HAUS1: variants seen among roughly 807,000 people sequenced by gnomAD.
HAUS1 encodes the protein HAUS augmin-like complex subunit 1.
In HAUS1, 25 loss-of-function variants were observed where a neutral mutation model predicts 38.6. The observed-to-expected ratio is 0.65, with a 90% confidence interval of 0.47 to 0.91. The LOEUF is 0.91. Among genes scored for constraint, HAUS1 ranks in the 40% least tolerant of loss-of-function variants. HAUS1 has a pLI of 0.00. For synonymous variants in HAUS1, 109 were observed against 112.9 expected, an observed-to-expected ratio of 0.97 and a Z score of 0.22; for missense variants, 325 against 328.4, an observed-to-expected ratio of 0.99 and a Z score of 0.08.
rs1599803130 is a variant in HAUS1, at chr18:46,105,542, GTATA to G, written c.205+176_205+179del. 4.1e-4 allele frequency: 196 copies of G among 473,974 alleles called. 3 individuals are homozygous for G. The East Asian group carries it at 8.1e-3, about 20-fold the overall frequency. The allele number at this position is 473,974 out of a possible 1,614,324, so 29.4% of individuals were successfully genotyped here. On this transcript the variant is annotated intron_variant, in intron 2 of 8. Coordinates refer to ENST00000282058, the MANE Select transcript of HAUS1 (RefSeq NM_138443.4). ...TTTATTGTTTTATGTTTATATATAT[GTATA>G]TGTATGTGTGTGTGTGTGTGTGTGT...
chr18:46,105,657 C>T (rs1473657909), intron 2 of HAUS1, among the ~76,000 whole-genome samples: 1 of 151,802 alleles, frequency 6.6e-6, no homozygotes, highest in Non-Finnish European at 1.5e-5. Context: ...TCTCAGCTCA[C>T]TGCAACCTCC....
rs575945317 is a variant in HAUS1 at position 46,105,219 on chromosome 18, T to G, written c.56T>G (p.Phe19Cys). ...TQVAAWLKKI[F>C]GDHPIPQYEV... The stretch of plus-strand genomic sequence containing the variant: ...GTTGCTGCGTGGTTAAAAAAAATAT[T>G]TGGAGATCATCCTATTCCACAGTAT... The change falls in exon 2 of 9, where the codon TTT becomes TGT. Residue 19 changes from phenylalanine (F) to cysteine (C), a missense_variant. Transcript: ENST00000282058. 3.1e-6 allele frequency: 5 copies of G among 1,609,900 alleles called. No individual in the cohort carries two copies. Among genetic ancestry groups the G allele is most frequent in the South Asian group, 1.1e-5 (1 of 90,314 alleles).
At position 46,126,370 on chromosome 18, in the gene HAUS1, A is replaced by G. The variant is rs181313339; in HGVS notation, c.786+579A>G. Among the ~76,000 whole-genome samples, 7 of 152,336 alleles carry G rather than the reference A, an allele frequency of 4.6e-5. No individual in the cohort carries two copies. In the East Asian group the frequency reaches 9.6e-4, roughly 21 times the overall value. On this transcript the variant is annotated intron_variant, in intron 8 of 8. Transcript: ENST00000282058. ...AGGGGAATATATTGAGAGATATAGA[A>G]TATTCTAGGCAAAAAGAATTTGCAA...
chr18:46,115,808 G>A (rs1042925032), intron 2 of HAUS1, among the ~76,000 whole-genome samples: 3 of 152,084 alleles, frequency 2.0e-5, no homozygotes, highest in Non-Finnish European at 4.4e-5. Flanking sequence ...TGTTCTCAAA[G>A]GACACCATCA....
intron 6 of HAUS1, among the ~76,000 whole-genome samples, chr18:46,123,639 G>A (rs1478547779): frequency 6.6e-6 from 1 of 152,096 alleles, no homozygotes; most frequent in Admixed American, 6.6e-5. Context: ...TTTATTGAAG[G>A]ACCATGAGCT....
chr18:46,107,481 G>C (rs1254824536), intron 2 of HAUS1, among the ~76,000 whole-genome samples: 1 of 152,090 alleles, frequency 6.6e-6, no homozygotes. Flanking sequence ...TTTATGTCTA[G>C]GTATCTAGAA....
intron 6 of HAUS1, among the ~76,000 whole-genome samples, chr18:46,123,567 T>A (rs1339888383): frequency 3.3e-5 from 5 of 152,226 alleles, no homozygotes; most frequent in Non-Finnish European, 5.9e-5. Flanking sequence ...GTTTCCTTTT[T>A]ATTATAAGTT....
At chr18:46,111,705 G>A (rs1216276985) in intron 2 of HAUS1, among the ~76,000 whole-genome samples, 3 of 151,192 alleles carry the variant, frequency 2.0e-5, no homozygotes, top group Non-Finnish European at 4.4e-5. Flanking sequence ...TGATCTGCCT[G>A]CCTCGGCCTC....
intron 7 of HAUS1, among the ~76,000 whole-genome samples, 170 bp from the exon 8 acceptor site, chr18:46,125,574 A>G (rs16978524): frequency 0.014 from 2,185 of 151,676 alleles, 52 homozygotes; most frequent in African/African-American, 0.051. Flanking sequence ...AAAGAAAATA[A>G]TGTGTTGGTT....
At chr18:46,109,048 G>C (rs1361643247) in intron 2 of HAUS1, among the ~76,000 whole-genome samples, 1 of 147,154 alleles carries the variant, frequency 6.8e-6, no homozygotes, top group African/African-American at 2.5e-5. Context: ...TCTAGCCTGG[G>C]AGACAGAGCA....
At chr18:46,105,594 A>G (rs544697590) in intron 2 of HAUS1, among the ~76,000 whole-genome samples, 20 of 134,578 alleles carry the variant, frequency 1.5e-4, no homozygotes, top group Admixed American at 4.4e-4. Flanking sequence ...GTGTGTGTGT[A>G]TATATTTTAG....
Position 46,104,455 on chromosome 18 carries a change from A to G in HAUS1, c.30+14A>G, listed in dbSNP as rs1358501810. 4 of 1,463,242 alleles carry G rather than the reference A, an allele frequency of 2.7e-6. No homozygotes were observed. The highest frequency in any genetic ancestry group is 3.6e-6 in the Non-Finnish European group (4 of 1,097,408). The allele number at this position is 1,463,242 out of a possible 1,614,324, so 90.6% of individuals were successfully genotyped here. A position where few individuals can be genotyped will look rare whatever the true frequency, so the allele number is the denominator to read the frequency against. On this transcript the variant is annotated intron_variant, in intron 1 of 8. Transcript: ENST00000282058. ...AGAGAAACGCAGGTGATGGGGCGGG[A>G]ATGGGGATCGTTGGCCTCCTGGAAA...
chr18:46,108,297 G>A (rs1911529150), intron 2 of HAUS1, among the ~76,000 whole-genome samples: 1 of 136,952 alleles, frequency 7.3e-6, no homozygotes, highest in African/African-American at 2.9e-5. Flanking sequence ...TTTTGGTAAC[G>A]GAGTCTTGCT....
At chr18:46,116,415 G>T (rs1401856381) in intron 2 of HAUS1, among the ~76,000 whole-genome samples, 1 of 151,506 alleles carries the variant, frequency 6.6e-6, no homozygotes, top group African/African-American at 2.4e-5. Context: ...ACCAAAATTA[G>T]CCAGGCATGG....
At chr18:46,118,604 A>G (rs746286815) in intron 3 of HAUS1, 1 of 241,182 alleles carries the variant, frequency 4.1e-6, no homozygotes, top group Non-Finnish European at 8.0e-6. Context: ...GAAAGATAGT[A>G]GGCTAAATGA....
At chr18:46,115,995 A>G (rs779109867) in intron 2 of HAUS1, among the ~76,000 whole-genome samples, 5 of 151,950 alleles carry the variant, frequency 3.3e-5, no homozygotes, top group African/African-American at 1.2e-4. Context: ...AATCCCATCT[A>G]CTTGGGAGGC....
chr18:46,110,970 G>A (rs887473918), intron 2 of HAUS1, among the ~76,000 whole-genome samples: 5 of 147,920 alleles, frequency 3.4e-5, no homozygotes, highest in South Asian at 2.2e-4. Context: ...TCTGCCTTCC[G>A]GATTCAAGCG....
chr18:46,123,945 T>C (rs1912023579), intron 6 of HAUS1, among the ~76,000 whole-genome samples: 1 of 152,166 alleles, frequency 6.6e-6, no homozygotes, highest in Admixed American at 6.6e-5. Flanking sequence ...CTTGCTATGT[T>C]GCCCAAGCTG....
chr18:46,118,367 T>C, intron 3 of HAUS1, 51 bp downstream of exon 3: 1 of 1,563,780 alleles, frequency 6.4e-7, no homozygotes, highest in East Asian at 2.2e-5. Context: ...CTATAAGGTC[T>C]TAAAGACTTT....
Sources: allele counts gnomAD v4.1 joint callset (sites outside exome capture counted in the v4.1 genomes callset), GRCh38; gene constraint gnomAD v4.1.1; transcripts MANE v1.5; gene names NCBI Gene and HGNC (gene_info 2026-07-23, HGNC 2026-07-21).